ELMO1: variants seen among roughly 807,000 people sequenced by gnomAD.
ELMO1 encodes the protein engulfment and cell motility protein 1.
A neutral mutation model predicts 98.9 loss-of-function variants in ELMO1; 26 were observed. That is an observed-to-expected ratio of 0.26 (90% CI 0.19 to 0.36). ELMO1 has a LOEUF of 0.36. Ranked by LOEUF, ELMO1 falls within the 10% of genes least tolerant of loss-of-function variation. ELMO1 has a pLI of 1.00. For missense variants in ELMO1, 627 were observed against 935.2 expected (o/e 0.67, Z 4.30); for synonymous variants, 346 against 346.0 (o/e 1.00, Z 0.00).
At chr7:37,026,048 A>T (rs1463875986) in intron 15 of ELMO1, among the ~76,000 whole-genome samples, 1 of 152,140 alleles carries the variant, frequency 6.6e-6, no homozygotes, top group Non-Finnish European at 1.5e-5. Flanking sequence ...GGGCAAAGGA[A>T]AATATATGCA....
intron 4 of ELMO1, among the ~76,000 whole-genome samples, chr7:37,297,996 G>C (rs6979026): frequency 0.56 from 84,547 of 151,958 alleles, 24,128 homozygotes; most frequent in East Asian, 0.7. Context: ...ATAGGATTTT[G>C]ATCTTTTTTT....
At chr7:37,165,883 T>G (rs1248564209) in intron 13 of ELMO1, among the ~76,000 whole-genome samples, 2 of 152,206 alleles carry the variant, frequency 1.3e-5, no homozygotes, top group Non-Finnish European at 2.9e-5. Context: ...CCTCTTTTTA[T>G]ATTGATTGGA....
At chr7:37,442,889 A>G (rs1384052495) in intron 1 of ELMO1, among the ~76,000 whole-genome samples, 1 of 152,258 alleles carries the variant, frequency 6.6e-6, no homozygotes, top group East Asian at 1.9e-4. Flanking sequence ...TAACCAGTGC[A>G]GACATCATGG....
intron 15 of ELMO1, among the ~76,000 whole-genome samples, chr7:37,038,997 A>T (rs552684562): frequency 1.3e-5 from 2 of 152,234 alleles, no homozygotes; most frequent in Non-Finnish European, 2.9e-5. Context: ...TGCCAGTTAG[A>T]ACTTCAAAAT....
intron 13 of ELMO1, among the ~76,000 whole-genome samples, chr7:37,165,775 C>G (rs1293633450): frequency 6.6e-6 from 1 of 152,190 alleles, no homozygotes; most frequent in Non-Finnish European, 1.5e-5. Flanking sequence ...CAATGTTCAT[C>G]AAGGATATTG....
At chr7:37,251,087 G>A (rs1584872992) in intron 6 of ELMO1, among the ~76,000 whole-genome samples, 1 of 152,262 alleles carries the variant, frequency 6.6e-6, no homozygotes, top group South Asian at 2.1e-4. Context: ...GACAAAGACT[G>A]TGGTGTTTTA....
chr7:37,045,288 G>GA (rs1795736890), intron 15 of ELMO1, among the ~76,000 whole-genome samples: 1 of 152,204 alleles, frequency 6.6e-6, no homozygotes, highest in African/African-American at 2.4e-5. Flanking sequence ...ACTGCTGTAA[G>GA]ATGTTAATAA....
chr7:37,259,218 T>C lies in ELMO1; in HGVS notation c.376A>G (p.Ile126Val). 1 of 1,614,110 alleles carries C rather than the reference T, an allele frequency of 6.2e-7. No homozygotes were observed. The highest frequency in any genetic ancestry group is 1.3e-5 in the African/African-American group (1 of 75,024). ...TCCACCATCTGCGTGAGGAGAGAGA[T>C]ACCGTCCAGGTTTATAAACTCCTGG... The part of the protein sequence containing the change: ...FAQEFINLDG[I>V]SLLTQMVESG... The change falls in exon 6 of 22, where the codon ATC becomes GTC. Residue 126 changes from isoleucine (I) to valine (V), a missense_variant. This residue lies in a region of ELMO1 where 123 missense variants were observed against 171.2 expected (regional missense o/e 0.72). Coordinates refer to ENST00000310758, the MANE Select transcript of ELMO1 (RefSeq NM_014800.11).
At chr7:37,446,215 A>C (rs546899432) in intron 1 of ELMO1, among the ~76,000 whole-genome samples, 1 of 152,342 alleles carries the variant, frequency 6.6e-6, no homozygotes, top group African/African-American at 2.4e-5. Context: ...ACACTTATTG[A>C]GCACCGACAT....
At chr7:37,373,630 C>T (rs1194474829) in intron 1 of ELMO1, among the ~76,000 whole-genome samples, 1 of 151,998 alleles carries the variant, frequency 6.6e-6, no homozygotes, top group Non-Finnish European at 1.5e-5. Context: ...AAATCCAAGC[C>T]TTATTTGTTT....
At chr7:36,859,779 T>C (rs1050934805) in intron 21 of ELMO1, among the ~76,000 whole-genome samples, 2 of 152,240 alleles carry the variant, frequency 1.3e-5, no homozygotes, top group African/African-American at 2.4e-5. Context: ...AGGGTCGTTA[T>C]ACTTACAGTT....
intron 16 of ELMO1, among the ~76,000 whole-genome samples, chr7:36,934,389 G>A (rs1181130507): frequency 6.6e-6 from 1 of 152,200 alleles, no homozygotes; most frequent in African/African-American, 2.4e-5. Flanking sequence ...AGGGAAGAGC[G>A]CTGGGCTTCG....
intron 16 of ELMO1, among the ~76,000 whole-genome samples, chr7:36,941,323 G>A (rs1284125926): frequency 6.6e-6 from 1 of 152,200 alleles, no homozygotes. Context: ...CAGGTGTCAA[G>A]AGCTGAGAAC....
intron 13 of ELMO1, among the ~76,000 whole-genome samples, chr7:37,203,633 A>G (rs1173905304): frequency 1.3e-5 from 2 of 152,210 alleles, no homozygotes; most frequent in East Asian, 3.8e-4. Context: ...GAGAAACTAG[A>G]AAAGCACCAG....
chr7:37,268,333 G>A (rs953816610), intron 5 of ELMO1, among the ~76,000 whole-genome samples: 1 of 152,048 alleles, frequency 6.6e-6, no homozygotes, highest in Non-Finnish European at 1.5e-5. Context: ...ACAGGCTCTC[G>A]CTCTGTCGCC....
chr7:37,243,723 T>C (rs1794864457), intron 7 of ELMO1, among the ~76,000 whole-genome samples: 1 of 152,168 alleles, frequency 6.6e-6, no homozygotes. Flanking sequence ...GCTTAATGGC[T>C]TGGCACCATG....
At chr7:37,106,308 T>C (rs974626784) in intron 14 of ELMO1, among the ~76,000 whole-genome samples, 1 of 152,148 alleles carries the variant, frequency 6.6e-6, no homozygotes, top group Non-Finnish European at 1.5e-5. Context: ...GATTAAGTCA[T>C]GAGGGCTTCT....
At position 37,337,540 on chromosome 7, in the gene ELMO1, A is replaced by AC. The variant is rs1250970169; in HGVS notation, c.78+5072_78+5073insG. Among the ~76,000 whole-genome samples, 282 of 141,508 alleles carry AC rather than the reference A, an allele frequency of 2.0e-3. 2 individuals are homozygous for AC. The highest frequency in any genetic ancestry group is 3.6e-3 in the Middle Eastern group (1 of 274). 92.8% of individuals were successfully genotyped at this position (141,508 alleles called of 152,430 possible). A position where few individuals can be genotyped will look rare whatever the true frequency, so the allele number is the denominator to read the frequency against. On this transcript the variant is annotated intron_variant, in intron 2 of 21. Coordinates refer to ENST00000310758, the MANE Select transcript of ELMO1 (RefSeq NM_014800.11). ...TTAAAGTATAAAAAAAAAAAAAAAA[A>AC]AACACCTATGTGGAGCATTGGGGGT...
At chr7:37,171,556 A>C (rs967436442) in intron 13 of ELMO1, among the ~76,000 whole-genome samples, 4 of 122,972 alleles carry the variant, frequency 3.3e-5, no homozygotes, top group East Asian at 5.3e-4. Context: ...GCAGTGGCAC[A>C]ATCTCGGCTC....
Sources: allele counts gnomAD v4.1 joint callset (sites outside exome capture counted in the v4.1 genomes callset), GRCh38; gene constraint gnomAD v4.1.1; regional missense constraint gnomAD v4.1.1; transcripts MANE v1.5; gene names NCBI Gene and HGNC (gene_info 2026-07-23, HGNC 2026-07-21).